The following ITPR2 variants were observed in gnomAD, a reference collection of about 807,000 sequenced individuals.
The protein encoded by ITPR2 is inositol 1,4,5-trisphosphate-gated calcium channel ITPR2.
Under a neutral mutation model 317.1 loss-of-function variants are expected in ITPR2, and 207 were observed. That is an observed-to-expected ratio of 0.65 (90% CI 0.58 to 0.73). ITPR2 has a LOEUF of 0.73. Ranked by LOEUF, ITPR2 falls within the 30% of genes least tolerant of loss-of-function variation. The pLI is 0.00. For missense variants in ITPR2, 2,613 were observed against 3,284.0 expected (o/e 0.80, Z 4.99); for synonymous variants, 1,156 against 1,149.1 (o/e 1.01, Z -0.12).
chr12:26,443,520 T>C (rs1424980161), intron 46 of ITPR2, 23 bp downstream of exon 46: 5 of 1,563,436 alleles, frequency 3.2e-6, no homozygotes, highest in Non-Finnish European at 2.6e-6. Context: ...GTTGGTCTCT[T>C]TCAATAAATA....
chr12:26,531,471 AT>A (rs1308571952), intron 37 of ITPR2, among the ~76,000 whole-genome samples: 2 of 152,112 alleles, frequency 1.3e-5, no homozygotes, highest in East Asian at 3.8e-4. Flanking sequence ...ATGCTCCTTG[AT>A]TTTTTCATTC....
chr12:26,719,607 C>G (rs1948798997), intron 5 of ITPR2, among the ~76,000 whole-genome samples: 1 of 152,072 alleles, frequency 6.6e-6, no homozygotes, highest in Non-Finnish European at 1.5e-5. Flanking sequence ...AAATTCAACA[C>G]TTTTTTTTAT....
chr12:26,812,964 T>C (rs1950782287), intron 1 of ITPR2, among the ~76,000 whole-genome samples: 1 of 152,234 alleles, frequency 6.6e-6, no homozygotes, highest in Admixed American at 6.5e-5. Flanking sequence ...TCTTCAATAG[T>C]ACAACATGGA....
chr12:26,417,172 T>TTATGTATA (rs1940745881), intron 50 of ITPR2, among the ~76,000 whole-genome samples: 1 of 152,292 alleles, frequency 6.6e-6, no homozygotes, highest in Non-Finnish European at 1.5e-5. Flanking sequence ...ATTTTTGATA[T>TTATGTATA]CATGTATACC....
At chr12:26,802,612 TATATAG>T (rs917642318) in intron 1 of ITPR2, among the ~76,000 whole-genome samples, 4 of 21,928 alleles carry the variant, frequency 1.8e-4, no homozygotes, top group Non-Finnish European at 4.4e-4. Context: ...GATATAGATA[TATATAG>T]ATATAGATAT....
At chr12:26,404,814 A>G (rs1288806571) in intron 52 of ITPR2, among the ~76,000 whole-genome samples, 2 of 152,144 alleles carry the variant, frequency 1.3e-5, no homozygotes, top group Non-Finnish European at 2.9e-5. Flanking sequence ...GCCAGGAAGT[A>G]ATGATAAACA....
chr12:26,518,372 G>T (rs1189471348), intron 37 of ITPR2, among the ~76,000 whole-genome samples: 1 of 152,184 alleles, frequency 6.6e-6, no homozygotes, highest in Non-Finnish European at 1.5e-5. Context: ...CTACTTGAGG[G>T]TGGAGGGTGG....
intron 34 of ITPR2, among the ~76,000 whole-genome samples, chr12:26,562,163 C>T (rs1280670986): frequency 6.6e-6 from 1 of 152,146 alleles, no homozygotes; most frequent in Non-Finnish European, 1.5e-5. Context: ...CATTCAAGAA[C>T]TTATTTGATT....
chr12:26,556,556 A>AT (rs11312773), intron 35 of ITPR2, among the ~76,000 whole-genome samples, 181 bp from the exon 36 acceptor site: 5,136 of 133,798 alleles, frequency 0.038, 116 homozygotes, highest in Middle Eastern at 0.096. Flanking sequence ...CTGGGTCTCT[A>AT]TTTTTTTTTT....
At position 26,595,504 on chromosome 12, in the gene ITPR2, A is replaced by G; in HGVS notation, c.4341T>C (p.Ile1447=). Residue 1447 remains isoleucine (I), a synonymous_variant, in exon 32 of 57, where the codon ATT becomes ATC. Coordinates refer to ENST00000381340, the MANE Select transcript of ITPR2 (RefSeq NM_002223.4). The stretch of plus-strand genomic sequence containing the variant: ...CCAAGAAGTTCTCAAATAATTTCCA[A>G]ATGTGGTTACTTGTATAGATTTCTT... ...EMKEIYTSNH[I]WKLFENFLVD... 1 of 1,608,296 alleles carries G rather than the reference A, an allele frequency of 6.2e-7. No homozygotes were observed. The highest frequency in any genetic ancestry group is 8.5e-7 in the Non-Finnish European group (1 of 1,178,418).
chr12:26,716,552 C>T (rs754072390), intron 5 of ITPR2, among the ~76,000 whole-genome samples: 5 of 152,092 alleles, frequency 3.3e-5, no homozygotes, highest in African/African-American at 9.7e-5. Flanking sequence ...TCCCTCCCCA[C>T]GAGGTCTTAT....
At chr12:26,822,158 C>T (rs187679873) in intron 1 of ITPR2, among the ~76,000 whole-genome samples, 41 of 152,270 alleles carry the variant, frequency 2.7e-4, no homozygotes, top group African/African-American at 8.4e-4. Flanking sequence ...GAGGAAATCT[C>T]TGGGATAATC....
intron 13 of ITPR2, among the ~76,000 whole-genome samples, chr12:26,677,707 C>T (rs1157258706): frequency 1.3e-5 from 2 of 152,128 alleles, no homozygotes; most frequent in South Asian, 2.1e-4. Flanking sequence ...CCTTCTGCTG[C>T]TCATAAGAGA....
At chr12:26,784,977 C>T (rs1241692054) in intron 2 of ITPR2, among the ~76,000 whole-genome samples, 3 of 3,328 alleles carry the variant, frequency 9.0e-4, no homozygotes, top group African/African-American at 1.4e-3. Flanking sequence ...ATGTGAGGAG[C>T]GCCTCTGCTG....
At position 26,659,297 on chromosome 12, in the gene ITPR2, A is replaced by G. The variant is rs760274214; in HGVS notation, c.1714-12T>C. ...TTAGCAATATATTCCTGCAAAGAAGAAAGGCTGTCAGAATGCACTGCCAAA... is the reference window on the plus strand; with the variant it reads ...TTAGCAATATATTCCTGCAAAGAAGGAAGGCTGTCAGAATGCACTGCCAAA... On this transcript the variant is annotated splice_polypyrimidine_tract_variant and intron_variant, in intron 15 of 56. Transcript: ENST00000381340. The G allele has an allele frequency of 8.1e-6, 13 of 1,611,410 alleles. No homozygotes were observed. The highest frequency in any genetic ancestry group is 1.1e-5 in the Non-Finnish European group (13 of 1,178,964).
chr12:26,458,010 T>C (rs928983116), intron 45 of ITPR2, among the ~76,000 whole-genome samples: 4 of 152,298 alleles, frequency 2.6e-5, no homozygotes, highest in African/African-American at 9.6e-5. Flanking sequence ...CTGAGCATGT[T>C]GGTGAGCACG....
intron 21 of ITPR2, chr12:26,649,202 CCACA>C (rs61500290): frequency 0.01 from 1,212 of 118,730 alleles, 12 homozygotes; most frequent in African/African-American, 0.028. Context: ...CCACACACAC[CCACA>C]CACACACACA....
At chr12:26,572,934 G>A (rs12297741) in intron 34 of ITPR2, among the ~76,000 whole-genome samples, 241 of 152,152 alleles carry the variant, frequency 1.6e-3, no homozygotes, top group African/African-American at 5.7e-3. Flanking sequence ...GACTTTCTAA[G>A]ACAGGACTTT....
chr12:26,609,029 A>C (rs1946202798), intron 26 of ITPR2, among the ~76,000 whole-genome samples: 1 of 152,156 alleles, frequency 6.6e-6, no homozygotes, highest in Non-Finnish European at 1.5e-5. Context: ...ACATTGTATG[A>C]AGGAAGCTCC....
Sources: allele counts gnomAD v4.1 joint callset (sites outside exome capture counted in the v4.1 genomes callset), GRCh38; gene constraint gnomAD v4.1.1; transcripts MANE v1.5; gene names NCBI Gene and HGNC (gene_info 2026-07-23, HGNC 2026-07-21).